Variants in CCDC6 observed in about 807,000 individuals in gnomAD.
CCDC6 encodes coiled-coil domain containing 6, also known as coiled-coil domain-containing protein 6.
A neutral mutation model predicts 56.6 loss-of-function variants in CCDC6; 20 were observed. That is an observed-to-expected ratio of 0.35 (90% CI 0.25 to 0.51). CCDC6 has a LOEUF of 0.51. CCDC6 is among the 20% of genes least tolerant of loss of function. The probability of loss-of-function intolerance (pLI) is 0.95; values close to 1 mark genes in which losing one functional copy is unlikely to be tolerated. For missense variants in CCDC6, 367 were observed against 601.1 expected (o/e 0.61, Z 4.07); for synonymous variants, 241 against 234.4 (o/e 1.03, Z -0.26).
At chr10:59,851,131 GAAAAAAAAAAAAAA>G (rs372606692) in intron 2 of CCDC6, among the ~76,000 whole-genome samples, 2 of 46,724 alleles carry the variant, frequency 4.3e-5, no homozygotes, top group African/African-American at 8.2e-5. Flanking sequence ...CATGTAAATT[GAAAAAAAAAAAAAA>G]AAAAAAAAAA....
chr10:59,835,804 T>A (rs1329961692), intron 2 of CCDC6, among the ~76,000 whole-genome samples: 1 of 152,012 alleles, frequency 6.6e-6, no homozygotes, highest in Non-Finnish European at 1.5e-5. Context: ...ATGCCTATAA[T>A]CCCAGCACTT....
chr10:59,848,346 G>A (rs1169915847), intron 2 of CCDC6, among the ~76,000 whole-genome samples: 2 of 152,148 alleles, frequency 1.3e-5, no homozygotes, highest in East Asian at 1.9e-4. Context: ...TATGCAGTAG[G>A]AACTTAACTC....
Position 59,814,599 on chromosome 10 carries a change from A to AACACACACACACACACACACACACAC in CCDC6, c.686+52_686+53insGTGTGTGTGTGTGTGTGTGTGTGTGT, listed in dbSNP as rs111613433. Reference sequence around the variant, plus strand: ...ATTCCTCAGTCACACCCAGAGCAGCAACACACACACACACACACACACACC... The same window carrying AACACACACACACACACACACACACAC: ...ATTCCTCAGTCACACCCAGAGCAGCAACACACACACACACACACACACACACACACACACACACACACACACACACC... On this transcript the variant is annotated intron_variant, in intron 4 of 8. Transcript: ENST00000263102. The AACACACACACACACACACACACACAC allele has an allele frequency of 1.7e-5, 16 of 927,874 alleles. No homozygotes were observed. The East Asian group carries it at 3.0e-4, about 17-fold the overall frequency. The allele number at this position is 927,874 out of a possible 1,614,324, so 57.5% of individuals were successfully genotyped here. A position where few individuals can be genotyped will look rare whatever the true frequency, so the allele number is the denominator to read the frequency against.
intron 3 of CCDC6, among the ~76,000 whole-genome samples, chr10:59,831,950 T>C (rs2070838633): frequency 6.6e-6 from 1 of 152,220 alleles, no homozygotes. Context: ...TCTGTCCTGC[T>C]CTGTTTACAA....
intron 1 of CCDC6, among the ~76,000 whole-genome samples, chr10:59,853,970 T>C (rs1019658636): frequency 1.3e-5 from 2 of 152,180 alleles, no homozygotes; most frequent in African/African-American, 2.4e-5. Flanking sequence ...GGCATCCATG[T>C]TTCAAACAAA....
rs1376461195 is a variant in CCDC6 at position 59,794,478 on chromosome 10, T to A, written c.1225A>T (p.Ile409Phe). ...HVQHMGTSHG[I>F]TRPSPRRSNS... The stretch of plus-strand genomic sequence containing the variant: ...CCTACCCCACGGACACTTACTGTGA[T>A]ACCATGGGATGTTCCCATGTGCTGC... Residue 409 changes from isoleucine to phenylalanine, a missense_variant, in exon 8 of 9, where the codon ATC (isoleucine) becomes TTC (phenylalanine). Transcript: ENST00000263102. 6.2e-7 allele frequency: 1 copy of A among 1,613,954 alleles called. No homozygotes were observed. Among genetic ancestry groups the A allele is most frequent in the Non-Finnish European group, 8.5e-7 (1 of 1,179,944 alleles).
At chr10:59,900,475 T>C (rs987383785) in intron 1 of CCDC6, among the ~76,000 whole-genome samples, 2 of 152,106 alleles carry the variant, frequency 1.3e-5, no homozygotes, top group African/African-American at 2.4e-5. Flanking sequence ...TGTGAGAGCT[T>C]AGAGAATGCA....
chr10:59,884,145 G>A (rs941113142), intron 1 of CCDC6, among the ~76,000 whole-genome samples: 6 of 152,096 alleles, frequency 3.9e-5, no homozygotes, highest in African/African-American at 1.4e-4. Context: ...AGCAAAAGAG[G>A]AGTTTAATGT....
At chr10:59,857,755 T>C (rs2071091964) in intron 1 of CCDC6, among the ~76,000 whole-genome samples, 1 of 152,180 alleles carries the variant, frequency 6.6e-6, no homozygotes, top group African/African-American at 2.4e-5. Flanking sequence ...TAAGACATCC[T>C]GAAGCTTTAA....
At chr10:59,797,234 A>G (rs1310707341) in intron 7 of CCDC6, among the ~76,000 whole-genome samples, 1 of 152,142 alleles carries the variant, frequency 6.6e-6, no homozygotes, top group African/African-American at 2.4e-5. Flanking sequence ...ATGGCGGTGA[A>G]CTGCTGCTCA....
At chr10:59,814,947 G>A (rs2070700005) in intron 3 of CCDC6, among the ~76,000 whole-genome samples, 192 bp from the exon 4 acceptor site, 1 of 152,062 alleles carries the variant, frequency 6.6e-6, no homozygotes, top group African/African-American at 2.4e-5. Context: ...ATTCTTGGAT[G>A]TTAATGCTTA....
intron 5 of CCDC6, among the ~76,000 whole-genome samples, chr10:59,811,379 T>C (rs773513237): frequency 6.6e-6 from 1 of 152,302 alleles, no homozygotes; most frequent in African/African-American, 2.4e-5. Context: ...CTGGAATCTA[T>C]CCTGAAGGTG....
At chr10:59,816,440 T>TG (rs1262867586) in intron 3 of CCDC6, among the ~76,000 whole-genome samples, 3 of 152,090 alleles carry the variant, frequency 2.0e-5, no homozygotes, top group Non-Finnish European at 2.9e-5. Context: ...GCCAATGCAT[T>TG]GGGGGGAGAC....
chr10:59,792,405 C>G lies in CCDC6; in HGVS notation c.*512G>C, dbSNP rs1283351890. 2 of 416,262 alleles carry G rather than the reference C, an allele frequency of 4.8e-6. No individual in the cohort carries two copies. The highest frequency in any genetic ancestry group is 9.1e-6 in the Non-Finnish European group (2 of 219,752). 25.8% of individuals were successfully genotyped at this position (416,262 alleles called of 1,614,324 possible). ...AGAAAATATGTCTTGGGCACTGATT[C>G]ATCTAACTTTCTGTTCTACACTGAA... On this transcript the variant is annotated 3_prime_UTR_variant, in exon 9 of 9. Coordinates refer to ENST00000263102, the MANE Select transcript of CCDC6 (RefSeq NM_005436.5).
At chr10:59,811,643 A>T (rs2070672598) in intron 5 of CCDC6, among the ~76,000 whole-genome samples, 1 of 152,128 alleles carries the variant, frequency 6.6e-6, no homozygotes, top group Admixed American at 6.5e-5. Context: ...GTCCCTCAGA[A>T]CCTGTGAATC....
At chr10:59,889,793 T>C (rs2071408408) in intron 1 of CCDC6, among the ~76,000 whole-genome samples, 1 of 152,126 alleles carries the variant, frequency 6.6e-6, no homozygotes, top group Non-Finnish European at 1.5e-5. Context: ...AGTTCCAACT[T>C]CTTGGTGACC....
Position 59,792,914 on chromosome 10 carries a change from G to C in CCDC6, c.*3C>G. 1 of 1,610,284 alleles carries C rather than the reference G, an allele frequency of 6.2e-7. No individual in the cohort carries two copies. The highest frequency in any genetic ancestry group is 8.5e-7 in the Non-Finnish European group (1 of 1,177,714). ...AACTTGAAATTCAGACTAAGCTCAT[G>C]CATTAAGGCTGGGAGGAGGGGTGCG... On this transcript the variant is annotated 3_prime_UTR_variant, in exon 9 of 9. Transcript: ENST00000263102.
chr10:59,824,602 A>G (rs777739754), intron 3 of CCDC6, among the ~76,000 whole-genome samples: 2 of 152,200 alleles, frequency 1.3e-5, no homozygotes, highest in Admixed American at 6.5e-5. Context: ...ATGTGCAGAC[A>G]TAAGTTATGA....
rs2070449641 is a variant in CCDC6 at position 59,789,488 on chromosome 10, A to C, written c.*3429T>G. The C allele has an allele frequency of 4.3e-6, 1 of 232,824 alleles. No homozygotes were observed. Among genetic ancestry groups the C allele is most frequent in the Non-Finnish European group, 8.5e-6 (1 of 117,688 alleles). The allele number at this position is 232,824 out of a possible 1,614,324, so 14.4% of individuals were successfully genotyped here. A position where few individuals can be genotyped will look rare whatever the true frequency, so the allele number is the denominator to read the frequency against. On this transcript the variant is annotated 3_prime_UTR_variant, in exon 9 of 9. Coordinates refer to ENST00000263102, the MANE Select transcript of CCDC6 (RefSeq NM_005436.5). ...AAAACAAAGAAAAAAACAAACAAAAAATCACCAAAAACCTAGAAACCCCTT... is the reference window on the plus strand; with the variant it reads ...AAAACAAAGAAAAAAACAAACAAAACATCACCAAAAACCTAGAAACCCCTT...
Sources: gnomAD v4.1 joint callset for allele counts (sites outside exome capture counted in the v4.1 genomes callset) on GRCh38, gnomAD v4.1.1 for gene constraint, MANE v1.5 for transcripts, NCBI Gene and HGNC (gene_info 2026-07-23, HGNC 2026-07-21) for gene names.